GRID1: variants seen among roughly 807,000 people sequenced by gnomAD.
GRID1 encodes the protein glutamate receptor ionotropic, delta-1.
In GRID1, 28 loss-of-function variants were observed where a neutral mutation model predicts 98.0. The observed-to-expected ratio is 0.29, with a 90% confidence interval of 0.21 to 0.39. GRID1 has a LOEUF of 0.39. Ranked by LOEUF, GRID1 falls within the 10% of genes least tolerant of loss-of-function variation. The pLI is 1.00. For missense variants in GRID1, 1,111 were observed against 1,340.5 expected (o/e 0.83, Z 2.67); for synonymous variants, 553 against 538.5 (o/e 1.03, Z -0.37).
chr10:86,035,194 T>A (rs1487267931), intron 4 of GRID1, among the ~76,000 whole-genome samples: 1 of 152,170 alleles, frequency 6.6e-6, no homozygotes, highest in African/African-American at 2.4e-5. Flanking sequence ...TATCCCTTCA[T>A]CATAGCTGGG....
chr10:86,127,438 C>G (rs1318408950), intron 4 of GRID1, among the ~76,000 whole-genome samples: 2 of 152,192 alleles, frequency 1.3e-5, no homozygotes, highest in Non-Finnish European at 2.9e-5. Context: ...AGTAGCTGCT[C>G]CTGCTCATGT....
chr10:86,169,846 C>T (rs941615876), intron 3 of GRID1, among the ~76,000 whole-genome samples: 4 of 152,202 alleles, frequency 2.6e-5, no homozygotes, highest in Non-Finnish European at 5.9e-5. Context: ...AACAGCCCAG[C>T]GGCAGCCCAT....
At chr10:86,010,949 T>A (rs1369078513) in intron 4 of GRID1, among the ~76,000 whole-genome samples, 1 of 152,102 alleles carries the variant, frequency 6.6e-6, no homozygotes, top group Admixed American at 6.5e-5. Context: ...AAGATTCCAG[T>A]CTTTGCCCTA....
intron 2 of GRID1, among the ~76,000 whole-genome samples, chr10:86,360,151 A>C (rs1311242503): frequency 1.3e-5 from 2 of 152,040 alleles, no homozygotes; most frequent in Non-Finnish European, 2.9e-5. Flanking sequence ...ATATCTCAGC[A>C]TAAATAGTTC....
chr10:86,348,756 C>T (rs534757797), intron 2 of GRID1, among the ~76,000 whole-genome samples: 95 of 152,340 alleles, frequency 6.2e-4, no homozygotes, highest in Non-Finnish European at 1.1e-3. Flanking sequence ...CCAGGAGCTC[C>T]CGGAAGCATT....
chr10:86,009,832 G>A (rs1020120823), intron 4 of GRID1, among the ~76,000 whole-genome samples: 2 of 152,170 alleles, frequency 1.3e-5, no homozygotes, highest in African/African-American at 4.8e-5. Flanking sequence ...GGAGAAAAAG[G>A]AGAACTAACC....
intron 2 of GRID1, among the ~76,000 whole-genome samples, chr10:86,305,820 T>C (rs942812372): frequency 6.7e-6 from 1 of 149,712 alleles, no homozygotes; most frequent in African/African-American, 2.4e-5. Flanking sequence ...GCACTTTCTA[T>C]ACTTTGTCTA....
intron 8 of GRID1, among the ~76,000 whole-genome samples, chr10:85,843,822 A>C (rs1842982116): frequency 6.6e-6 from 1 of 152,120 alleles, no homozygotes; most frequent in Non-Finnish European, 1.5e-5. Context: ...TTTCTTATGC[A>C]TTTCATGGCT....
At chr10:85,991,007 G>A (rs1484446757) in intron 4 of GRID1, among the ~76,000 whole-genome samples, 1 of 152,122 alleles carries the variant, frequency 6.6e-6, no homozygotes, top group Non-Finnish European at 1.5e-5. Context: ...GGTAACCTTT[G>A]TTCTGGGGTA....
chr10:85,924,479 C>A (rs548961560), intron 4 of GRID1, among the ~76,000 whole-genome samples: 8 of 152,290 alleles, frequency 5.3e-5, no homozygotes, highest in South Asian at 2.1e-4. Context: ...AATTCTAGAG[C>A]TTTTCCTCCA....
intron 12 of GRID1, among the ~76,000 whole-genome samples, chr10:85,717,800 T>A (rs1841656226): frequency 6.6e-6 from 1 of 152,212 alleles, no homozygotes; most frequent in Non-Finnish European, 1.5e-5. Flanking sequence ...AGCAAGCTAG[T>A]TACTTCCTAG....
At position 85,788,448 on chromosome 10, in the gene GRID1, G is replaced by A. The variant is rs552174097; in HGVS notation, c.1234-58834C>T. On this transcript the variant is annotated intron_variant, in intron 8 of 15. Transcript: ENST00000327946. ...GTGGGGTCCCCATTAAAGCAGGGAT[G>A]AGTCTGTCTGCCCACGGTCTTATCT... 8.5e-5 allele frequency among the ~76,000 whole-genome samples: 13 copies of A among 152,320 alleles called. No individual in the cohort carries two copies. In the East Asian group the frequency reaches 2.3e-3, roughly 27 times the overall value.
intron 8 of GRID1, among the ~76,000 whole-genome samples, chr10:85,838,711 C>T (rs1419110322): frequency 1.3e-5 from 2 of 152,114 alleles, no homozygotes; most frequent in African/African-American, 4.8e-5. Context: ...AGTACACAGA[C>T]CAGTGACACT....
At chr10:86,037,583 G>A (rs902309020) in intron 4 of GRID1, among the ~76,000 whole-genome samples, 2 of 152,336 alleles carry the variant, frequency 1.3e-5, no homozygotes, top group South Asian at 2.1e-4. Context: ...GAAGCCTTGA[G>A]GTTGGGGCTA....
intron 8 of GRID1, among the ~76,000 whole-genome samples, chr10:85,793,833 C>T (rs984718680): frequency 1.3e-5 from 2 of 152,178 alleles, no homozygotes; most frequent in Admixed American, 1.3e-4. Flanking sequence ...CTAAAATGAA[C>T]TCTGCAGAGC....
chr10:86,260,673 C>T (rs914413198), intron 2 of GRID1, among the ~76,000 whole-genome samples: 6 of 152,182 alleles, frequency 3.9e-5, no homozygotes, highest in African/African-American at 1.4e-4. Flanking sequence ...TGTGAGCCTC[C>T]AGAAAATGGA....
At chr10:86,137,512 C>T (rs993655065) in intron 4 of GRID1, among the ~76,000 whole-genome samples, 1 of 152,162 alleles carries the variant, frequency 6.6e-6, no homozygotes, top group South Asian at 2.1e-4. Context: ...TGAGATTAGT[C>T]GATACCATCA....
chr10:85,922,506 C>G (rs1312815222), intron 4 of GRID1, among the ~76,000 whole-genome samples: 1 of 152,226 alleles, frequency 6.6e-6, no homozygotes, highest in African/African-American at 2.4e-5. Flanking sequence ...GAAAGCTTGT[C>G]AGCAATTAGC....
At chr10:85,641,892 T>C (rs1211239551) in intron 13 of GRID1, among the ~76,000 whole-genome samples, 1 of 152,150 alleles carries the variant, frequency 6.6e-6, no homozygotes, top group African/African-American at 2.4e-5. Context: ...AGCTGGATGA[T>C]GCACTACTAG....
Sources: allele counts gnomAD v4.1 joint callset (sites outside exome capture counted in the v4.1 genomes callset), GRCh38; gene constraint gnomAD v4.1.1; transcripts MANE v1.5; gene names NCBI Gene and HGNC (gene_info 2026-07-23, HGNC 2026-07-21).